ERC1: variants seen among roughly 807,000 people sequenced by gnomAD.
ERC1 encodes the protein RAB6 interacting protein 2.
ERC1 carries 56 observed loss-of-function variants against 132.0 expected under a neutral mutation model. The ratio of observed to expected loss-of-function variants is 0.42; its 90% CI spans 0.34 to 0.53. The LOEUF (loss-of-function observed/expected upper bound fraction) is 0.53, where lower values mean the gene tolerates loss of function less well. Ranked by LOEUF, ERC1 falls within the 20% of genes least tolerant of loss-of-function variation. ERC1 has a pLI of 0.03. For missense variants in ERC1, 1,202 were observed against 1,349.9 expected (o/e 0.89, Z 1.72); for synonymous variants, 478 against 476.1 (o/e 1.00, Z -0.05).
Position 1,053,863 on chromosome 12 carries a change from A to G in ERC1, c.669+25291A>G, listed in dbSNP as rs1004062831. Among the ~76,000 whole-genome samples the G allele has an allele frequency of 2.6e-5, 4 of 152,306 alleles. No homozygotes were observed. In the South Asian group the frequency reaches 8.3e-4, roughly 32 times the overall value. ...TTGCAAATTATGGTATGTTTGCTTC[A>G]GTTTTCAAAAAGTCTGGGAGCTTGG... On this transcript the variant is annotated intron_variant, in intron 2 of 18. Transcript: ENST00000360905.
intron 16 of ERC1, among the ~76,000 whole-genome samples, chr12:1,378,883 G>A (rs1256422607): frequency 1.3e-5 from 2 of 152,078 alleles, no homozygotes; most frequent in African/African-American, 4.8e-5. Context: ...TGCATAGTTA[G>A]GGTATTTTAT....
intron 18 of ERC1, among the ~76,000 whole-genome samples, chr12:1,461,539 G>A (rs1438096037): frequency 6.6e-6 from 1 of 151,978 alleles, no homozygotes; most frequent in Non-Finnish European, 1.5e-5. Context: ...GTGGTGGTGG[G>A]CACCTGTAAT....
At position 1,399,073 on chromosome 12, in the gene ERC1, G is replaced by T. The variant is rs141161840; in HGVS notation, c.2926-9076G>T. Among the ~76,000 whole-genome samples, 392 of 148,834 alleles carry T rather than the reference G, an allele frequency of 2.6e-3. 1 individual carries two copies. The highest frequency in any genetic ancestry group is 9.3e-3 in the African/African-American group (375 of 40,318). ...CAATCCTCCCACCTCAGCCTCCAAA[G>T]TACCTGGGACTACACACAGGCATGT... On this transcript the variant is annotated intron_variant, in intron 16 of 18. Transcript: ENST00000360905.
In ERC1 at chr12:1,083,249, G is replaced by T. The variant is rs1334361778; in HGVS notation, c.755G>T (p.Ser252Ile). The T allele has an allele frequency of 1.2e-6, 2 of 1,614,060 alleles. No homozygotes were observed. Among genetic ancestry groups the T allele is most frequent in the African/African-American group, 1.3e-5 (1 of 74,940 alleles). The change falls in exon 3 of 19, where the codon AGC becomes ATC. Residue 252 changes from serine (S) to isoleucine (I), a missense_variant. Ser to Ile is a moderately radical substitution (Grantham distance 142). Coordinates refer to ENST00000360905, the MANE Select transcript of ERC1 (RefSeq NM_178040.4). ...CAGCTGTTTCAGCAGGATAGTAGCA[G>T]CAGGACTGGCGAACCTTGTGTAGCA... ...LNQLFQQDSS[S>I]RTGEPCVAEL...
intron 12 of ERC1, among the ~76,000 whole-genome samples, chr12:1,230,200 T>C (rs917920152): frequency 6.6e-6 from 1 of 152,076 alleles, no homozygotes; most frequent in African/African-American, 2.4e-5. Context: ...GGTTTCACCA[T>C]GTTGGCCAGG....
chr12:1,436,533 A>G lies in ERC1; in HGVS notation c.3025-8029A>G, dbSNP rs1012039482. 5.3e-5 allele frequency among the ~76,000 whole-genome samples: 8 copies of G among 152,128 alleles called. No individual in the cohort carries two copies. In the East Asian group the frequency reaches 1.5e-3, roughly 29 times the overall value. On this transcript the variant is annotated intron_variant, in intron 17 of 18. Coordinates refer to ENST00000360905, the MANE Select transcript of ERC1 (RefSeq NM_178040.4). ...CCATAGGTGAGAAAGGAGAAGATAA[A>G]ATGTGATTATGAGGTTATTATACTC...
At chr12:1,009,613 T>A (rs1174406276) in intron 1 of ERC1, among the ~76,000 whole-genome samples, 1 of 150,168 alleles carries the variant, frequency 6.7e-6, no homozygotes, top group Non-Finnish European at 1.5e-5. Context: ...ATATAATACG[T>A]ATTTCTTTAC....
At chr12:1,406,199 A>G (rs978797443) in intron 16 of ERC1, among the ~76,000 whole-genome samples, 7 of 152,198 alleles carry the variant, frequency 4.6e-5, no homozygotes, top group Non-Finnish European at 1.5e-5. Context: ...CTGAGACTCA[A>G]CAGCATTTAC....
intron 12 of ERC1, among the ~76,000 whole-genome samples, chr12:1,234,611 C>G (rs61911979): frequency 0.19 from 29,505 of 152,114 alleles, 3,409 homozygotes; most frequent in Non-Finnish European, 0.26. Flanking sequence ...TCTGAAATTT[C>G]TATGAGAAGC....
At chr12:1,094,452 C>T (rs1943745704) in intron 3 of ERC1, among the ~76,000 whole-genome samples, 1 of 147,364 alleles carries the variant, frequency 6.8e-6, no homozygotes, top group South Asian at 2.1e-4. Flanking sequence ...GCTCTATCGC[C>T]CAGGCTGGAG....
chr12:1,353,352 A>G (rs2085213785), intron 15 of ERC1, among the ~76,000 whole-genome samples: 1 of 152,216 alleles, frequency 6.6e-6, no homozygotes, highest in African/African-American at 2.4e-5. Flanking sequence ...TTTAACGCTA[A>G]AGAGACAGGA....
intron 2 of ERC1, among the ~76,000 whole-genome samples, chr12:1,042,120 C>A (rs1970310967): frequency 6.6e-6 from 1 of 152,116 alleles, no homozygotes; most frequent in African/African-American, 2.4e-5. Flanking sequence ...TCATTGCACG[C>A]TCCGCTTCCC....
chr12:1,108,628 G>A (rs768317858), intron 4 of ERC1, among the ~76,000 whole-genome samples: 1 of 152,074 alleles, frequency 6.6e-6, no homozygotes, highest in African/African-American at 2.4e-5. Flanking sequence ...GAATTTTCAG[G>A]TAGTGCAATT....
At chr12:1,256,190 G>A (rs955830847) in intron 13 of ERC1, among the ~76,000 whole-genome samples, 3 of 151,744 alleles carry the variant, frequency 2.0e-5, no homozygotes, top group Admixed American at 1.3e-4. Context: ...CATTCTGTAG[G>A]TTGCCTGTTC....
At chr12:1,401,223 C>T (rs556538418) in intron 16 of ERC1, among the ~76,000 whole-genome samples, 19 of 152,032 alleles carry the variant, frequency 1.2e-4, no homozygotes, top group African/African-American at 2.4e-4. Context: ...CGTGAGCCAC[C>T]GCGCCCAGCC....
intron 17 of ERC1, among the ~76,000 whole-genome samples, chr12:1,424,880 A>C (rs1048885358): frequency 2.7e-5 from 4 of 147,518 alleles, no homozygotes; most frequent in South Asian, 2.1e-4. Flanking sequence ...ATAGATAGAT[A>C]GATAGATAGA....
At chr12:1,446,801 G>A (rs1483255537) in intron 18 of ERC1, among the ~76,000 whole-genome samples, 3 of 152,128 alleles carry the variant, frequency 2.0e-5, no homozygotes, top group East Asian at 1.9e-4. Flanking sequence ...CAAATTTAGC[G>A]TGTTGACATA....
chr12:1,295,342 T>G (rs1429381280), intron 15 of ERC1, among the ~76,000 whole-genome samples: 1 of 152,140 alleles, frequency 6.6e-6, no homozygotes, highest in African/African-American at 2.4e-5. Context: ...AAATGTCCTG[T>G]GTAAATCAGG....
intron 2 of ERC1, among the ~76,000 whole-genome samples, chr12:1,070,625 A>C (rs1372870008): frequency 6.6e-6 from 1 of 152,114 alleles, no homozygotes; most frequent in Non-Finnish European, 1.5e-5. Flanking sequence ...CCTACTTGTT[A>C]AGAGATTCTC....
Sources: gnomAD v4.1 joint callset for allele counts (sites outside exome capture counted in the v4.1 genomes callset) on GRCh38, gnomAD v4.1.1 for gene constraint, MANE v1.5 for transcripts, NCBI Gene and HGNC (gene_info 2026-07-23, HGNC 2026-07-21) for gene names.